The following DRG2 variants were observed in gnomAD, a reference collection of about 807,000 sequenced individuals.
DRG2 encodes the protein developmentally-regulated GTP-binding protein 2.
DRG2 carries 36 observed loss-of-function variants against 53.4 expected under a neutral mutation model. That is an observed-to-expected ratio of 0.67 (90% CI 0.52 to 0.89). The LOEUF (loss-of-function observed/expected upper bound fraction) is 0.89, where lower values mean the gene tolerates loss of function less well. Among genes scored for constraint, DRG2 ranks in the 40% least tolerant of loss-of-function variants. The pLI is 0.00. For missense variants in DRG2, 342 were observed against 481.2 expected, an observed-to-expected ratio of 0.71 and a Z score of 2.71; for synonymous variants, 167 against 192.1, an observed-to-expected ratio of 0.87 and a Z score of 1.08.
chr17:18,106,279 C>T (rs981050856), intron 11 of DRG2, 154 bp from the exon 12 acceptor site: 68 of 745,410 alleles, frequency 9.1e-5, no homozygotes, highest in East Asian at 4.7e-4. Context: ...GAATTGAGCA[C>T]GTCAGTCCTC....
chr17:18,094,444 G>A (rs1474254171), intron 2 of DRG2, among the ~76,000 whole-genome samples: 6 of 152,194 alleles, frequency 3.9e-5, no homozygotes, highest in Middle Eastern at 3.2e-3. Context: ...TGGTGAGTGA[G>A]TATTTGGGCA....
At position 18,099,428 on chromosome 17, in the gene DRG2, C is replaced by G; in HGVS notation, c.377-205C>G. 2 of 651,244 alleles carry G rather than the reference C, an allele frequency of 3.1e-6. No homozygotes were observed. Among genetic ancestry groups the G allele is most frequent in the Non-Finnish European group, 5.5e-6 (2 of 365,722 alleles). 40.3% of individuals were successfully genotyped at this position (651,244 alleles called of 1,614,324 possible). ...TAGGACAGCCGTTATTATCCTGTTA[C>G]TCCTTTTATGATGGTGGTGTCGGAT... is the stretch of plus-strand genomic sequence containing the variant. On this transcript the variant is annotated intron_variant, in intron 4 of 12. Transcript: ENST00000225729. This position sits in a 1 kb window ranked among gnomAD's most constrained non-coding sequence, Gnocchi z 4.4.
Position 18,107,247 on chromosome 17 carries a change from C to T in DRG2, c.*7C>T. The T allele has an allele frequency of 6.2e-7, 1 of 1,612,296 alleles. No homozygotes were observed. The highest frequency in any genetic ancestry group is 8.5e-7 in the Non-Finnish European group (1 of 1,179,906). On this transcript the variant is annotated 3_prime_UTR_variant, in exon 13 of 13. Coordinates refer to ENST00000225729, the MANE Select transcript of DRG2 (RefSeq NM_001388.5). The stretch of plus-strand genomic sequence containing the variant: ...CCAGATCGTGAAGAAGTAACGGCGC[C>T]TGCCGGGCCTCCCGCCCACCTGCCT...
chr17:18,105,223 C>G (rs1377126015), intron 11 of DRG2, among the ~76,000 whole-genome samples: 5 of 152,170 alleles, frequency 3.3e-5, no homozygotes, highest in African/African-American at 4.8e-5. Context: ...CTTTCCCTGT[C>G]CAGGATTCTG....
intron 2 of DRG2, 85 bp downstream of exon 2, chr17:18,094,058 C>G: frequency 2.0e-6 from 3 of 1,529,274 alleles, no homozygotes; most frequent in Non-Finnish European, 2.7e-6. Context: ...CCCTCGCTGC[C>G]TTTCTGCTTA....
chr17:18,103,782 G>A lies in DRG2; in HGVS notation c.807-19G>A, dbSNP rs376380370. 7 of 1,613,744 alleles carry A rather than the reference G, an allele frequency of 4.3e-6. No individual in the cohort carries two copies. Among genetic ancestry groups the A allele is most frequent in the Non-Finnish European group, 5.9e-6 (7 of 1,179,794 alleles). On this transcript the variant is annotated intron_variant, in intron 9 of 12. Transcript: ENST00000225729. This position sits in a 1 kb window ranked among gnomAD's most constrained non-coding sequence, Gnocchi z 4.4. ...ATTCACAGGGGCCCCTGCCTGACTG[G>A]CCGCCTCCCTCTTTGCAGCTGCGGC...
intron 2 of DRG2, 151 bp downstream of exon 2, chr17:18,094,124 C>A: frequency 9.7e-7 from 1 of 1,033,686 alleles, no homozygotes; most frequent in Non-Finnish European, 1.4e-6. Context: ...AGCCCTTTAT[C>A]ATCCTAACAT....
intron 2 of DRG2, among the ~76,000 whole-genome samples, chr17:18,094,816 A>G (rs1414056774): frequency 2.0e-5 from 3 of 151,486 alleles, no homozygotes; most frequent in Non-Finnish European, 2.9e-5. Context: ...CTCTACTAAA[A>G]ATACAAAATT....
chr17:18,092,840 G>C (rs1026701063), intron 1 of DRG2, among the ~76,000 whole-genome samples: 1 of 152,168 alleles, frequency 6.6e-6, no homozygotes, highest in Admixed American at 6.5e-5. Flanking sequence ...TGTTGTATTG[G>C]CCACTGAGTT....
At chr17:18,094,021 C>T (rs186843770) in intron 2 of DRG2, 48 bp downstream of exon 2, 1 of 1,584,732 alleles carries the variant, frequency 6.3e-7, no homozygotes, top group Admixed American at 1.7e-5. Context: ...AAGAAGTCAT[C>T]TTTCAAACAG....
chr17:18,098,253 A>G lies in DRG2; in HGVS notation c.226-17A>G. 1 of 1,610,798 alleles carries G rather than the reference A, an allele frequency of 6.2e-7. No homozygotes were observed. The highest frequency in any genetic ancestry group is 8.5e-7 in the Non-Finnish European group (1 of 1,177,344). On this transcript the variant is annotated splice_polypyrimidine_tract_variant and intron_variant, in intron 2 of 12. Transcript: ENST00000225729. The surrounding 1 kb of genome is among the most constrained non-coding windows in gnomAD (Gnocchi z 4.1). ...AGGGACAAGGCTCCTCAGTGCAATG[A>G]TCTCCTTTTCTCCTAGTCCACATTC...
Position 18,099,515 on chromosome 17 carries a change from T to A in DRG2, c.377-118T>A. The A allele has an allele frequency of 2.0e-6, 2 of 1,017,460 alleles. No homozygotes were observed. The highest frequency in any genetic ancestry group is 3.0e-6 in the Non-Finnish European group (2 of 662,536). 63.0% of individuals were successfully genotyped at this position (1,017,460 alleles called of 1,614,324 possible). A position where few individuals can be genotyped will look rare whatever the true frequency, so the allele number is the denominator to read the frequency against. On this transcript the variant is annotated intron_variant, in intron 4 of 12. Transcript: ENST00000225729. The surrounding 1 kb of genome is among the most constrained non-coding windows in gnomAD (Gnocchi z 4.4). ...GGATTAAAGAAAAATGCCAAGCTTG[T>A]GCTAGTATGTGGCAGAGGCTGTGGT...
chr17:18,105,254 A>G (rs749371129), intron 11 of DRG2, among the ~76,000 whole-genome samples: 1 of 152,142 alleles, frequency 6.6e-6, no homozygotes, highest in African/African-American at 2.4e-5. Flanking sequence ...ATGACCCTGC[A>G]GGCACAGATG....
Position 18,100,081 on chromosome 17 carries a change from G to A in DRG2, c.468-282G>A, listed in dbSNP as rs886842766. ...AGGGGTACACCAGGCCTGCCTCCTC[G>A]GGACCAGAAGGAGTACCCTCATGTG... On this transcript the variant is annotated intron_variant, in intron 5 of 12. Coordinates refer to ENST00000225729, the MANE Select transcript of DRG2 (RefSeq NM_001388.5). This position sits in a 1 kb window ranked among gnomAD's most constrained non-coding sequence, Gnocchi z 4.1. 2.1e-5 allele frequency: 12 copies of A among 577,500 alleles called. No individual in the cohort carries two copies. The highest frequency in any genetic ancestry group is 1.2e-4 in the Admixed American group (4 of 32,842). The allele number at this position is 577,500 out of a possible 1,614,324, so 35.8% of individuals were successfully genotyped here.
chr17:18,100,623 T>C lies in DRG2; in HGVS notation c.595T>C (p.Ser199Pro), dbSNP rs1287314001. Residue 199 changes from serine to proline, a missense_variant, in exon 7 of 13, where the codon TCG (serine) becomes CCG (proline). Physicochemically the swap from Ser to Pro is moderately conservative, Grantham distance 74 (BLOSUM62 -1). Transcript: ENST00000225729. This position sits in a 1 kb window ranked among gnomAD's most constrained non-coding sequence, Gnocchi z 4.1. ...CTCGACAGTCACGCTGACCCAGTGC[T>C]CGGAAAAGCTGGTGCAGCTCATCCT... ...FNSTVTLTQCSEKLVQLILHE... is the reference protein window; with the variant it reads ...FNSTVTLTQCPEKLVQLILHE... The C allele has an allele frequency of 2.5e-6, 4 of 1,614,152 alleles. No individual in the cohort carries two copies. The highest frequency in any genetic ancestry group is 1.7e-5 in the Admixed American group (1 of 60,018).
In DRG2 at chr17:18,100,993, CTAAAG is replaced by C. The variant is rs2045523250; in HGVS notation, c.631+337_631+341del. Among the ~76,000 whole-genome samples the C allele has an allele frequency of 6.6e-6, 1 of 152,140 alleles. No homozygotes were observed. Among genetic ancestry groups the C allele is most frequent in the Non-Finnish European group, 1.5e-5 (1 of 68,010 alleles). On this transcript the variant is annotated intron_variant, in intron 7 of 12. Coordinates refer to ENST00000225729, the MANE Select transcript of DRG2 (RefSeq NM_001388.5). The surrounding 1 kb of genome is among the most constrained non-coding windows in gnomAD (Gnocchi z 4.1). Reference sequence around the variant, plus strand: ...GAGAGCTGGGGAATGGGTGGTGCCTCTAAAGTAGTGTCGGGGGCTGGTTGTGTTCT... The same window carrying C: ...GAGAGCTGGGGAATGGGTGGTGCCTCTAGTGTCGGGGGCTGGTTGTGTTCT...
chr17:18,100,353 C>T lies in DRG2; in HGVS notation c.468-10C>T, dbSNP rs2045508944. 1 of 1,614,136 alleles carries T rather than the reference C, an allele frequency of 6.2e-7. No individual in the cohort carries two copies. Among genetic ancestry groups the T allele is most frequent in the Non-Finnish European group, 8.5e-7 (1 of 1,180,010 alleles). ...CAGCCTGTGAGGGGCTTAAGGGGTA[C>T]TCTTCCTAGGTCTCTGCTGGAGAAG... is the stretch of plus-strand genomic sequence containing the variant. On this transcript the variant is annotated splice_polypyrimidine_tract_variant and intron_variant, in intron 5 of 12. Coordinates refer to ENST00000225729, the MANE Select transcript of DRG2 (RefSeq NM_001388.5). The surrounding 1 kb of genome is among the most constrained non-coding windows in gnomAD (Gnocchi z 4.1).
At position 18,098,984 on chromosome 17, in the gene DRG2, C is replaced by G. The variant is rs1355370920; in HGVS notation, c.316-33C>G. On this transcript the variant is annotated intron_variant, in intron 3 of 12. Coordinates refer to ENST00000225729, the MANE Select transcript of DRG2 (RefSeq NM_001388.5). The surrounding 1 kb of genome is among the most constrained non-coding windows in gnomAD (Gnocchi z 4.1). ...AGGACCTTTCCAGTGGAGGCCCAGC[C>G]TTGCCTTACCTTTCTTCTCTTCTGC... The G allele has an allele frequency of 6.2e-7, 1 of 1,612,786 alleles. No individual in the cohort carries two copies. Among genetic ancestry groups the G allele is most frequent in the African/African-American group, 1.3e-5 (1 of 74,926 alleles).
At chr17:18,105,100 T>C (rs140926055) in intron 11 of DRG2, among the ~76,000 whole-genome samples, 2,405 of 152,266 alleles carry the variant, frequency 0.016, 31 homozygotes, top group Non-Finnish European at 0.026. Context: ...AGCCGGCTTA[T>C]AGGACTAGTG....
Sources: gnomAD v4.1 joint callset for allele counts (sites outside exome capture counted in the v4.1 genomes callset) on GRCh38, gnomAD v4.1.1 for gene constraint, Gnocchi (gnomAD v3.1) non-coding constraint, MANE v1.5 for transcripts, NCBI Gene and HGNC (gene_info 2026-07-23, HGNC 2026-07-21) for gene names.